Variants in AGO3 observed in about 807,000 individuals in gnomAD.
The protein encoded by AGO3 is argonaute RISC catalytic component 3.
In AGO3, 16 loss-of-function variants were observed where a neutral mutation model predicts 105.5. The observed-to-expected ratio is 0.15, with a 90% CI of 0.10 to 0.23. The LOEUF (loss-of-function observed/expected upper bound fraction) is 0.23, where lower values mean the gene tolerates loss of function less well. Among genes scored for constraint, AGO3 ranks in the 10% least tolerant of loss-of-function variants. The pLI is 1.00. For synonymous variants in AGO3, 340 were observed against 367.3 expected (o/e 0.93, Z 0.85); for missense variants, 534 against 1,088.0 (o/e 0.49, Z 7.16).
intron 11 of AGO3, among the ~76,000 whole-genome samples, chr1:36,016,381 T>C (rs1569798807): frequency 6.6e-6 from 1 of 152,128 alleles, no homozygotes; most frequent in Non-Finnish European, 1.5e-5. Flanking sequence ...GGGGTTTCAC[T>C]CTGTTGGCCA....
intron 1 of AGO3, among the ~76,000 whole-genome samples, chr1:35,942,857 A>G (rs957053087): frequency 2.0e-5 from 3 of 152,234 alleles, no homozygotes; most frequent in Non-Finnish European, 2.9e-5. Context: ...AACTGAAACT[A>G]TATCCATTTA....
rs1640726615 is a variant in AGO3, at chr1:36,013,537, G to A, written c.1150-93G>A. On this transcript the variant is annotated intron_variant, in intron 9 of 18. Coordinates refer to ENST00000373191, the MANE Select transcript of AGO3 (RefSeq NM_024852.4). ...TAGACCTGTTGGAAAATATATTATGGACACAGTGAAGAAAAAAAAGAGGGT... is the reference window on the plus strand; with the variant it reads ...TAGACCTGTTGGAAAATATATTATGAACACAGTGAAGAAAAAAAAGAGGGT... The A allele has an allele frequency of 1.5e-5, 22 of 1,494,560 alleles. 1 individual carries two copies. The South Asian group carries it at 2.7e-4, about 19-fold the overall frequency. The allele number at this position is 1,494,560 out of a possible 1,614,324, so 92.6% of individuals were successfully genotyped here. A position where few individuals can be genotyped will look rare whatever the true frequency, so the allele number is the denominator to read the frequency against.
At position 35,987,766 on chromosome 1, in the gene AGO3, T is replaced by TA. The variant is rs764099307; in HGVS notation, c.658+14268dup. 1.8e-3 allele frequency among the ~76,000 whole-genome samples: 250 copies of TA among 138,140 alleles called. 2 individuals carry two copies. Among genetic ancestry groups the TA allele is most frequent in the Admixed American group, 5.1e-3 (70 of 13,806 alleles). 90.6% of individuals were successfully genotyped at this position (138,140 alleles called of 152,430 possible). ...TGGGAGGCAAAAAAATAAGATTGAT[T>TA]AAAAAAAAAAAAAGACCTATGGGCC... On this transcript the variant is annotated intron_variant, in intron 5 of 18. Transcript: ENST00000373191.
At chr1:36,018,802 A>G (rs951328169) in intron 11 of AGO3, among the ~76,000 whole-genome samples, 1 of 151,706 alleles carries the variant, frequency 6.6e-6, no homozygotes, top group Non-Finnish European at 1.5e-5. Context: ...CCCCTTTTTC[A>G]GTTTAGTTGT....
Position 35,931,385 on chromosome 1 carries a change from C to A in AGO3, c.-42C>A, listed in dbSNP as rs375614115. ...CGGGCCGCCTCCTTGCCGCCAGTGG[C>A]GGGCTCCGTTCTCCCTCGAAGCACT... On this transcript the variant is annotated 5_prime_UTR_variant, in exon 1 of 19. Coordinates refer to ENST00000373191, the MANE Select transcript of AGO3 (RefSeq NM_024852.4). 7.2e-7 allele frequency: 1 copy of A among 1,394,560 alleles called. No homozygotes were observed. The highest frequency in any genetic ancestry group is 9.4e-7 in the Non-Finnish European group (1 of 1,067,996). The allele number at this position is 1,394,560 out of a possible 1,614,324, so 86.4% of individuals were successfully genotyped here. A position where few individuals can be genotyped will look rare whatever the true frequency, so the allele number is the denominator to read the frequency against.
chr1:35,987,063 C>T (rs1455885285), intron 5 of AGO3, among the ~76,000 whole-genome samples: 3 of 150,860 alleles, frequency 2.0e-5, no homozygotes, highest in Admixed American at 6.6e-5. Context: ...CACGGTGGCT[C>T]ATGCCTGTAA....
chr1:35,977,207 C>A (rs749522832), intron 5 of AGO3, among the ~76,000 whole-genome samples: 1 of 143,752 alleles, frequency 7.0e-6, no homozygotes, highest in African/African-American at 2.6e-5. Flanking sequence ...ATCAAAAGCT[C>A]GTGTAACCCA....
In AGO3 at chr1:36,059,479, A is replaced by G. The variant is rs1642999183; in HGVS notation, c.*3734A>G. 6.6e-6 allele frequency: 1 copy of G among 151,058 alleles called. No individual in the cohort carries two copies. Among genetic ancestry groups the G allele is most frequent in the Admixed American group, 6.7e-5 (1 of 15,022 alleles). The allele number at this position is 151,058 out of a possible 1,614,324, so 9.4% of individuals were successfully genotyped here. A position where few individuals can be genotyped will look rare whatever the true frequency, so the allele number is the denominator to read the frequency against. On this transcript the variant is annotated 3_prime_UTR_variant, in exon 19 of 19. Coordinates refer to ENST00000373191, the MANE Select transcript of AGO3 (RefSeq NM_024852.4). ...CCTGCCCTTGCTCACTAACTATATC[A>G]TGAATGCTAGATTTTGGTCTTCTTT... is the stretch of plus-strand genomic sequence containing the variant.
At chr1:35,992,830 G>A (rs1647810714) in intron 5 of AGO3, among the ~76,000 whole-genome samples, 1 of 152,152 alleles carries the variant, frequency 6.6e-6, no homozygotes. Flanking sequence ...GAGTGACTTC[G>A]ATGGTTCTAG....
At chr1:35,990,489 C>A (rs867233154) in intron 5 of AGO3, among the ~76,000 whole-genome samples, 1 of 152,152 alleles carries the variant, frequency 6.6e-6, no homozygotes, top group Non-Finnish European at 1.5e-5. Flanking sequence ...GTCTGGGCGA[C>A]AGAGACTCCA....
chr1:35,975,039 T>A (rs535513421), intron 5 of AGO3, among the ~76,000 whole-genome samples: 1 of 152,296 alleles, frequency 6.6e-6, no homozygotes, highest in South Asian at 2.1e-4. Context: ...AGATGTATAC[T>A]AGGGTTATTT....
intron 5 of AGO3, among the ~76,000 whole-genome samples, chr1:36,001,208 C>G (rs1009768177): frequency 2.0e-5 from 3 of 152,118 alleles, no homozygotes; most frequent in Non-Finnish European, 4.4e-5. Context: ...ACACTCCAGC[C>G]TGGGTGACAG....
chr1:35,956,543 T>C (rs1304475234), intron 2 of AGO3, among the ~76,000 whole-genome samples: 2 of 151,906 alleles, frequency 1.3e-5, no homozygotes, highest in Non-Finnish European at 2.9e-5. Flanking sequence ...GGTTTACCAG[T>C]GAAAACACAC....
At position 36,051,203 on chromosome 1, in the gene AGO3, A is replaced by G. The variant is rs139117159; in HGVS notation, c.2275-3743A>G. Among the ~76,000 whole-genome samples the G allele has an allele frequency of 2.4e-3, 359 of 152,206 alleles. 2 individuals carry two copies. The highest frequency in any genetic ancestry group is 8.1e-3 in the African/African-American group (335 of 41,522). ...GCCTGCCTCGGCCTCCCAAAGTACT[A>G]GGATTACAGTCATGAGTTACCATGC... On this transcript the variant is annotated intron_variant, in intron 17 of 18. Transcript: ENST00000373191.
chr1:35,982,590 G>A, intron 5 of AGO3: 2 of 716,598 alleles, frequency 2.8e-6, no homozygotes, highest in Admixed American at 2.0e-5. Flanking sequence ...TTTTTAAGAA[G>A]GATAGTGACA....
In AGO3 at chr1:36,057,609, G is replaced by A. The variant is rs1240909697; in HGVS notation, c.*1864G>A. On this transcript the variant is annotated 3_prime_UTR_variant, in exon 19 of 19. Transcript: ENST00000373191. Reference sequence around the variant, plus strand: ...AACAGGCACCTCCATAGTTTAAAAGGGCAAAGAATACAGCCTTAATTTCAG... The same window carrying A: ...AACAGGCACCTCCATAGTTTAAAAGAGCAAAGAATACAGCCTTAATTTCAG... The A allele has an allele frequency of 2.0e-5, 3 of 152,046 alleles. No individual in the cohort carries two copies. The allele number at this position is 152,046 out of a possible 1,614,324, so 9.4% of individuals were successfully genotyped here.
chr1:35,982,946 C>T (rs1024629185), intron 5 of AGO3: 8 of 286,726 alleles, frequency 2.8e-5, no homozygotes, highest in African/African-American at 4.4e-5. Flanking sequence ...AGAACCAGTA[C>T]GAAGTATAGA....
intron 1 of AGO3, among the ~76,000 whole-genome samples, chr1:35,931,717 CCTT>C (rs1475183093): frequency 2.0e-5 from 3 of 152,216 alleles, no homozygotes; most frequent in Non-Finnish European, 4.4e-5. Context: ...GCTGGAGTAC[CCTT>C]CTTCTAGACT....
At chr1:36,040,258 A>G (rs779024344) in intron 15 of AGO3, 49 bp from the exon 16 acceptor site, 2 of 1,575,580 alleles carry the variant, frequency 1.3e-6, no homozygotes, top group East Asian at 4.5e-5. Context: ...TGAAGTATAT[A>G]AAAACAAATA....
Sources: gnomAD v4.1 joint callset for allele counts (sites outside exome capture counted in the v4.1 genomes callset) on GRCh38, gnomAD v4.1.1 for gene constraint, MANE v1.5 for transcripts, NCBI Gene and HGNC (gene_info 2026-07-23, HGNC 2026-07-21) for gene names.